Variants in SDK2 observed in about 807,000 individuals in gnomAD.
SDK2 encodes the protein protein sidekick-2.
Under a neutral mutation model 253.9 loss-of-function variants are expected in SDK2, and 105 were observed. The observed-to-expected ratio is 0.41, with a 90% CI of 0.35 to 0.49. The LOEUF is 0.49. Ranked by LOEUF, SDK2 falls within the 20% of genes least tolerant of loss-of-function variation. SDK2 has a pLI of 0.06. For synonymous variants in SDK2, 1,249 were observed against 1,234.9 expected, an observed-to-expected ratio of 1.01 and a Z score of -0.24; for missense variants, 2,608 against 3,003.0, an observed-to-expected ratio of 0.87 and a Z score of 3.07.
In SDK2 at chr17:73,435,125, G is replaced by C. The variant is rs1263454368; in HGVS notation, c.1195+325C>G. ...TACTCCAGCCCTGCCTGGGAACCCA[G>C]GGATAGTCGCAGTGCCAGAGCTGGT... On this transcript the variant is annotated intron_variant, in intron 9 of 44. Transcript: ENST00000392650. This position sits in a 1 kb window ranked among gnomAD's most constrained non-coding sequence, Gnocchi z 5.7. 1.3e-5 allele frequency among the ~76,000 whole-genome samples: 2 copies of C among 152,238 alleles called. No individual in the cohort carries two copies. The highest frequency in any genetic ancestry group is 2.9e-5 in the Non-Finnish European group (2 of 68,048).
chr17:73,352,526 G>T lies in SDK2; in HGVS notation c.5705C>A (p.Ala1902Glu). ...GGTGCCGAAACCATAGTCGTTGACC[G>T]CGATGACCCGGAAGTCATAGCTCAC... is the stretch of plus-strand genomic sequence containing the variant. ...PGVSYDFRVI[A>E]VNDYGFGTPS... The change falls in exon 41 of 45, where the codon GCG becomes GAG. Residue 1902 changes from alanine (A) to glutamate (E), a missense_variant. By Grantham distance (107) the Ala-to-Glu change is moderately radical. Coordinates refer to ENST00000392650, the MANE Select transcript of SDK2 (RefSeq NM_001144952.2). The surrounding 1 kb of genome is among the most constrained non-coding windows in gnomAD (Gnocchi z 4.1). 1 of 1,613,966 alleles carries T rather than the reference G, an allele frequency of 6.2e-7. No homozygotes were observed. The highest frequency in any genetic ancestry group is 8.5e-7 in the Non-Finnish European group (1 of 1,179,866).
chr17:73,537,002 T>G (rs1408165335), intron 1 of SDK2, among the ~76,000 whole-genome samples: 1 of 152,042 alleles, frequency 6.6e-6, no homozygotes, highest in Non-Finnish European at 1.5e-5. Flanking sequence ...AGGAGTGAGA[T>G]CTGGGGTGCA....
intron 1 of SDK2, among the ~76,000 whole-genome samples, chr17:73,614,009 C>T (rs1177374518): frequency 6.6e-6 from 1 of 152,242 alleles, no homozygotes; most frequent in Non-Finnish European, 1.5e-5. Flanking sequence ...CTGCTCCTCA[C>T]CCCTTTGGAG....
At chr17:73,632,312 A>G (rs948318260) in intron 1 of SDK2, among the ~76,000 whole-genome samples, 4 of 152,252 alleles carry the variant, frequency 2.6e-5, no homozygotes, top group African/African-American at 9.6e-5. Flanking sequence ...ATCAGCTGCC[A>G]GCATGGCTAG....
intron 1 of SDK2, among the ~76,000 whole-genome samples, chr17:73,633,573 TTC>T (rs2046295047): frequency 6.6e-6 from 1 of 152,226 alleles, no homozygotes; most frequent in Admixed American, 6.5e-5. Flanking sequence ...ACTTGTTATA[TTC>T]TCTCTCTGAC....
At chr17:73,419,388 C>T in intron 15 of SDK2, 82 bp from the exon 16 acceptor site, 2 of 1,474,344 alleles carry the variant, frequency 1.4e-6, no homozygotes. Flanking sequence ...GAACCCTGGC[C>T]TGCTCTGACT....
chr17:73,467,692 G>A lies in SDK2; in HGVS notation c.331+4420C>T, dbSNP rs2063612156. Among the ~76,000 whole-genome samples, 2 of 152,188 alleles carry A rather than the reference G, an allele frequency of 1.3e-5. No homozygotes were observed. The highest frequency in any genetic ancestry group is 4.1e-4 in the South Asian group (2 of 4,834). The stretch of plus-strand genomic sequence containing the variant: ...TCCTGGCTGGGTGAAACCTTCCTTA[G>A]CTTGTCAGGAACTGCGTTCTTCTCA... On this transcript the variant is annotated intron_variant, in intron 3 of 44. Coordinates refer to ENST00000392650, the MANE Select transcript of SDK2 (RefSeq NM_001144952.2). This position sits in a 1 kb window ranked among gnomAD's most constrained non-coding sequence, Gnocchi z 4.1.
chr17:73,448,663 CTT>C (rs796302025), intron 4 of SDK2, among the ~76,000 whole-genome samples: 15 of 139,184 alleles, frequency 1.1e-4, no homozygotes, highest in African/African-American at 7.9e-5. Flanking sequence ...TGTGCCCAGT[CTT>C]TTTTTTTTTT....
At chr17:73,439,440 G>C (rs1440066335) in intron 6 of SDK2, among the ~76,000 whole-genome samples, 1 of 152,156 alleles carries the variant, frequency 6.6e-6, no homozygotes. Context: ...AACAAAAAAG[G>C]CTGGACACGG....
chr17:73,335,227 C>T lies in SDK2; in HGVS notation c.*3360G>A, dbSNP rs913549328. 3.9e-5 allele frequency: 6 copies of T among 152,680 alleles called. No individual in the cohort carries two copies. Among genetic ancestry groups the T allele is most frequent in the South Asian group, 2.1e-4 (1 of 4,844 alleles). 9.5% of individuals were successfully genotyped at this position (152,680 alleles called of 1,614,324 possible). A position where few individuals can be genotyped will look rare whatever the true frequency, so the allele number is the denominator to read the frequency against. On this transcript the variant is annotated 3_prime_UTR_variant, in exon 45 of 45. Transcript: ENST00000392650. The stretch of plus-strand genomic sequence containing the variant: ...CTTGGCAGTGTGGGTGTGGAGCTGA[C>T]GTCAACTCTGGAGGCGCAGCCAGGA...
chr17:73,458,747 T>G (rs995682396), intron 3 of SDK2, among the ~76,000 whole-genome samples: 1 of 152,192 alleles, frequency 6.6e-6, no homozygotes, highest in African/African-American at 2.4e-5. Context: ...GGCTCACGCC[T>G]GTAATCCCAG....
intron 18 of SDK2, among the ~76,000 whole-genome samples, chr17:73,412,194 A>G (rs1166200279): frequency 2.7e-5 from 4 of 149,046 alleles, no homozygotes; most frequent in Non-Finnish European, 5.9e-5. Flanking sequence ...GCACATACAC[A>G]CATATACATA....
Position 73,401,512 on chromosome 17 carries a change from G to A in SDK2, c.2779+142C>T, listed in dbSNP as rs1324800126. 3.8e-6 allele frequency: 3 copies of A among 796,264 alleles called. No homozygotes were observed. In the African/African-American group the frequency reaches 5.1e-5, roughly 13 times the overall value. The allele number at this position is 796,264 out of a possible 1,614,324, so 49.3% of individuals were successfully genotyped here. A position where few individuals can be genotyped will look rare whatever the true frequency, so the allele number is the denominator to read the frequency against. On this transcript the variant is annotated intron_variant, in intron 20 of 44. Coordinates refer to ENST00000392650, the MANE Select transcript of SDK2 (RefSeq NM_001144952.2). ...GTGTTATGAAGTGGAGGTGCCAAGAGCCTCCTGTGAGTGGTTTCTAAGAAA... is the reference window on the plus strand; with the variant it reads ...GTGTTATGAAGTGGAGGTGCCAAGAACCTCCTGTGAGTGGTTTCTAAGAAA...
intron 2 of SDK2, among the ~76,000 whole-genome samples, chr17:73,479,164 T>A (rs2063706117): frequency 6.6e-6 from 1 of 152,094 alleles, no homozygotes; most frequent in South Asian, 2.1e-4. Flanking sequence ...CACTGGGGGG[T>A]CAGGGGACCA....
chr17:73,615,729 C>A (rs2046044804), intron 1 of SDK2, among the ~76,000 whole-genome samples: 1 of 152,122 alleles, frequency 6.6e-6, no homozygotes, highest in African/African-American at 2.4e-5. Context: ...GTCCGACAGC[C>A]CACTGGAGGC....
At chr17:73,567,767 G>A (rs1195479188) in intron 1 of SDK2, among the ~76,000 whole-genome samples, 2 of 152,210 alleles carry the variant, frequency 1.3e-5, no homozygotes, top group African/African-American at 4.8e-5. Context: ...GACTTGGGTA[G>A]GGTCTGTCAT....
chr17:73,570,616 C>T lies in SDK2; in HGVS notation c.65-63019G>A, dbSNP rs1040180264. 1.3e-5 allele frequency among the ~76,000 whole-genome samples: 2 copies of T among 152,210 alleles called. No individual in the cohort carries two copies. The highest frequency in any genetic ancestry group is 2.9e-5 in the Non-Finnish European group (2 of 68,038). On this transcript the variant is annotated intron_variant, in intron 1 of 44. Coordinates refer to ENST00000392650, the MANE Select transcript of SDK2 (RefSeq NM_001144952.2). The surrounding 1 kb of genome is among the most constrained non-coding windows in gnomAD (Gnocchi z 4.2). ...GTGAGGCACTGAACACCACCATCAG[C>T]TCACCGCCATCTCGCAGCCACCCAC...
At chr17:73,526,400 G>T (rs77808213) in intron 1 of SDK2, among the ~76,000 whole-genome samples, 1,974 of 152,276 alleles carry the variant, frequency 0.013, 105 homozygotes, top group East Asian at 0.11. Flanking sequence ...CTTTGATCTG[G>T]TTCCTCTTTG....
intron 1 of SDK2, among the ~76,000 whole-genome samples, chr17:73,578,789 C>A (rs76534678): frequency 2.6e-5 from 4 of 152,146 alleles, no homozygotes; most frequent in Non-Finnish European, 4.4e-5. Flanking sequence ...CCCAGCCATT[C>A]GCGCCAGCCC....
Sources: allele counts gnomAD v4.1 joint callset (sites outside exome capture counted in the v4.1 genomes callset), GRCh38; gene constraint gnomAD v4.1.1; non-coding constraint Gnocchi (gnomAD v3.1); transcripts MANE v1.5; gene names NCBI Gene and HGNC (gene_info 2026-07-23, HGNC 2026-07-21).